Variants in EPN1 observed in about 807,000 individuals in gnomAD.
The protein encoded by EPN1 is epsin-1.
A neutral mutation model predicts 56.9 loss-of-function variants in EPN1; 25 were observed. The ratio of observed to expected loss-of-function variants is 0.44; its 90% CI spans 0.32 to 0.61. The LOEUF (loss-of-function observed/expected upper bound fraction) is 0.61. Ranked by LOEUF, EPN1 falls within the 20% of genes least tolerant of loss-of-function variation. EPN1 has a pLI of 0.05. For synonymous variants in EPN1, 411 were observed against 361.8 expected (o/e 1.14, Z -1.54); for missense variants, 785 against 823.7 (o/e 0.95, Z 0.58).
chr19:55,694,767 C>A lies in EPN1; in HGVS notation c.1306C>A (p.Pro436Thr), dbSNP rs756571162. Residue 436 changes from proline (P) to threonine (T), a missense_variant, in exon 10 of 11, where the codon CCT (proline) becomes ACT (threonine). Pro to Thr is a conservative substitution (Grantham distance 38). This residue lies in a region of EPN1 where 650 missense variants were observed against 605.0 expected (regional missense o/e 1.07). Coordinates refer to ENST00000270460, the MANE Select transcript of EPN1 (RefSeq NM_001130072.2). The surrounding 1 kb of genome is among the most constrained non-coding windows in gnomAD (Gnocchi z 4.2). ...GGCAGGAGAGGTGCCGGCCCGAAGC[C>A]CTGGGGCGTTTGACATGAGTGGGGT... ...LLAGEVPARS[P>T]GAFDMSGVRG... 19 of 1,602,904 alleles carry A rather than the reference C, an allele frequency of 1.2e-5. No homozygotes were observed. The highest frequency in any genetic ancestry group is 1.6e-5 in the Non-Finnish European group (19 of 1,173,328).
intron 2 of EPN1, among the ~76,000 whole-genome samples, chr19:55,680,078 G>A (rs928471234): frequency 2.6e-5 from 4 of 152,190 alleles, no homozygotes; most frequent in African/African-American, 4.8e-5. Context: ...GAGTCTGCTG[G>A]GGAGCATGTG....
At position 55,695,387 on chromosome 19, in the gene EPN1, G is replaced by A. The variant is rs1196154272; in HGVS notation, c.*31G>A. On this transcript the variant is annotated 3_prime_UTR_variant, in exon 11 of 11. Transcript: ENST00000270460. The surrounding 1 kb of genome is among the most constrained non-coding windows in gnomAD (Gnocchi z 4.4). ...GGCGGAAGGGGGCCTGGCTCCATCC[G>A]GCTGCCCCATTCCGGCTCCCTGGGA... 7.2e-6 allele frequency: 9 copies of A among 1,250,126 alleles called. No individual in the cohort carries two copies. In the African/African-American group the frequency reaches 7.4e-5, roughly 10 times the overall value. The allele number at this position is 1,250,126 out of a possible 1,614,324, so 77.4% of individuals were successfully genotyped here. A position where few individuals can be genotyped will look rare whatever the true frequency, so the allele number is the denominator to read the frequency against.
At position 55,691,946 on chromosome 19, in the gene EPN1, G is replaced by A. The variant is rs767673424; in HGVS notation, c.955G>A (p.Asp319Asn). ...TCCAGCCCCCACGCCGGCCTCTGGG[G>A]ACCCCTGGAGGCCTGCTGCCCCTGC... ...GGPAPTPASG[D>N]PWRPAAPAGP... The change falls in exon 7 of 11, where the codon GAC becomes AAC. Residue 319 changes from aspartate (D) to asparagine (N), a missense_variant. Coordinates refer to ENST00000270460, the MANE Select transcript of EPN1 (RefSeq NM_001130072.2). The surrounding 1 kb of genome is among the most constrained non-coding windows in gnomAD (Gnocchi z 5.6). The A allele has an allele frequency of 4.0e-5, 62 of 1,535,582 alleles. No homozygotes were observed. Among genetic ancestry groups the A allele is most frequent in the Non-Finnish European group, 5.2e-5 (59 of 1,144,926 alleles).
intron 2 of EPN1, 24 bp downstream of exon 2, chr19:55,678,879 G>C (rs377378244): frequency 6.4e-7 from 1 of 1,554,102 alleles, no homozygotes; most frequent in Non-Finnish European, 8.8e-7. Context: ...TCTCCTCCCC[G>C]GGCAGGTGCA....
At chr19:55,693,216 C>T (rs1986695544) in intron 9 of EPN1, 179 bp downstream of exon 9, 1 of 542,994 alleles carries the variant, frequency 1.8e-6, no homozygotes, top group Non-Finnish European at 3.2e-6. Flanking sequence ...AAGTGTGCAT[C>T]TTTATTTTAG....
chr19:55,692,262 T>G (rs1986607414), intron 7 of EPN1, among the ~76,000 whole-genome samples: 2 of 144,984 alleles, frequency 1.4e-5, no homozygotes, highest in Non-Finnish European at 3.0e-5. Context: ...ACATGGGGGG[T>G]GTGCTGTGGG....
rs533430376 is a variant in EPN1, at chr19:55,689,476, C to T, written c.678+105C>T. 3.2e-5 allele frequency: 27 copies of T among 843,448 alleles called. No individual in the cohort carries two copies. The South Asian group carries it at 3.8e-4, about 12-fold the overall frequency. The allele number at this position is 843,448 out of a possible 1,614,324, so 52.2% of individuals were successfully genotyped here. On this transcript the variant is annotated intron_variant, in intron 5 of 10. Transcript: ENST00000270460. The surrounding 1 kb of genome is among the most constrained non-coding windows in gnomAD (Gnocchi z 5.7). ...CCACCATCCTGCTGGGCCCGAAGCC[C>T]ACAGGCTCACGCGTGTTGAAACCTC...
chr19:55,680,042 C>T (rs1008186055), intron 2 of EPN1, among the ~76,000 whole-genome samples: 5 of 152,074 alleles, frequency 3.3e-5, no homozygotes, highest in Non-Finnish European at 7.4e-5. Flanking sequence ...GGCCTGTGGG[C>T]AGGGCTGGCA....
chr19:55,704,504 C>T lies in EPN1; in HGVS notation c.*9148C>T, dbSNP rs945118617. 2 of 152,250 alleles carry T rather than the reference C, an allele frequency of 1.3e-5. No individual in the cohort carries two copies. Among genetic ancestry groups the T allele is most frequent in the Admixed American group, 6.5e-5 (1 of 15,286 alleles). 9.4% of individuals were successfully genotyped at this position (152,250 alleles called of 1,614,324 possible). ...CCAAGGAGAGAGGCCTTGGCGGAAG[C>T]CAACCCTGCAGCACCTTCATCTTGA... On this transcript the variant is annotated 3_prime_UTR_variant, in exon 11 of 11. Transcript: ENST00000270460.
rs144290370 is a variant in EPN1 at position 55,692,811 on chromosome 19, G to C, written c.1177+15G>C. 6.6e-5 allele frequency: 105 copies of C among 1,590,678 alleles called. No homozygotes were observed. Among genetic ancestry groups the C allele is most frequent in the Non-Finnish European group, 8.2e-5 (95 of 1,164,776 alleles). On this transcript the variant is annotated intron_variant, in intron 8 of 10. Coordinates refer to ENST00000270460, the MANE Select transcript of EPN1 (RefSeq NM_001130072.2). ...TGGCACAACAGGTACTGGAATGGGGGTGGGAATGGAGCCCCGGGTGGGAGT... is the reference window on the plus strand; with the variant it reads ...TGGCACAACAGGTACTGGAATGGGGCTGGGAATGGAGCCCCGGGTGGGAGT...
intron 1 of EPN1, among the ~76,000 whole-genome samples, chr19:55,678,154 G>A (rs956971536): frequency 1.3e-5 from 2 of 152,042 alleles, no homozygotes; most frequent in African/African-American, 4.8e-5. Flanking sequence ...CAGGACGGAG[G>A]GCCTCCTGAT....
At chr19:55,685,728 TTC>T (rs1986126629) in intron 3 of EPN1, 83 bp downstream of exon 3, 2 of 1,501,826 alleles carry the variant, frequency 1.3e-6, no homozygotes, top group Admixed American at 2.0e-5. Flanking sequence ...GCCCACTGCT[TTC>T]TCTCCCAGCC....
intron 2 of EPN1, among the ~76,000 whole-genome samples, chr19:55,682,879 C>G (rs1025197181): frequency 3.9e-5 from 6 of 152,050 alleles, no homozygotes; most frequent in Non-Finnish European, 8.8e-5. Flanking sequence ...GCCTTAGCCT[C>G]CCGAGTAGCT....
In EPN1 at chr19:55,695,510, C is replaced by T. The variant is rs749086639; in HGVS notation, c.*154C>T. On this transcript the variant is annotated 3_prime_UTR_variant, in exon 11 of 11. Coordinates refer to ENST00000270460, the MANE Select transcript of EPN1 (RefSeq NM_001130072.2). This position sits in a 1 kb window ranked among gnomAD's most constrained non-coding sequence, Gnocchi z 4.4. Reference sequence around the variant, plus strand: ...CACACTACACCCTCTTCCTTTCCCACCCCACCTCCCCGGAGAGAAACTGGA... The same window carrying T: ...CACACTACACCCTCTTCCTTTCCCATCCCACCTCCCCGGAGAGAAACTGGA... The T allele has an allele frequency of 1.3e-4, 78 of 593,558 alleles. No homozygotes were observed. Among genetic ancestry groups the T allele is most frequent in the Non-Finnish European group, 2.1e-4 (71 of 334,834 alleles). 36.8% of individuals were successfully genotyped at this position (593,558 alleles called of 1,614,324 possible). A position where few individuals can be genotyped will look rare whatever the true frequency, so the allele number is the denominator to read the frequency against.
intron 3 of EPN1, among the ~76,000 whole-genome samples, chr19:55,687,218 C>T (rs763435608): frequency 3.3e-5 from 5 of 152,194 alleles, no homozygotes; most frequent in Non-Finnish European, 7.3e-5. Context: ...TAGACCTTCT[C>T]AGGCCAGCTG....
At chr19:55,680,255 A>AT (rs1985721447) in intron 2 of EPN1, among the ~76,000 whole-genome samples, 1 of 152,170 alleles carries the variant, frequency 6.6e-6, no homozygotes, top group Non-Finnish European at 1.5e-5. Flanking sequence ...CACATATTTC[A>AT]TAACTGTCAT....
At chr19:55,677,513 C>T in intron 1 of EPN1, 1 of 1,259,218 alleles carries the variant, frequency 7.9e-7, no homozygotes. Context: ...CCTGCCATTC[C>T]TGGTGTGTGA....
At chr19:55,684,579 C>G (rs990344257) in intron 2 of EPN1, among the ~76,000 whole-genome samples, 3 of 152,190 alleles carry the variant, frequency 2.0e-5, no homozygotes, top group Non-Finnish European at 2.9e-5. Context: ...TCCTTTTGCT[C>G]CTGGTGGTGT....
chr19:55,689,153 CCTCTGCGTGTCACT>C lies in EPN1; in HGVS notation c.604-137_604-124del. 2 of 1,165,818 alleles carry C rather than the reference CCTCTGCGTGTCACT, an allele frequency of 1.7e-6. No individual in the cohort carries two copies. The highest frequency in any genetic ancestry group is 2.4e-6 in the Non-Finnish European group (2 of 832,698). The allele number at this position is 1,165,818 out of a possible 1,614,324, so 72.2% of individuals were successfully genotyped here. A position where few individuals can be genotyped will look rare whatever the true frequency, so the allele number is the denominator to read the frequency against. On this transcript the variant is annotated intron_variant, in intron 4 of 10. Transcript: ENST00000270460. This position sits in a 1 kb window ranked among gnomAD's most constrained non-coding sequence, Gnocchi z 5.7. ...CCTGCCTCATCCTCACCCCGCCGTCCCTCTGCGTGTCACTCTCTGCCTGTCCCTCACTGGTTCAG... is the reference window on the plus strand; with the variant it reads ...CCTGCCTCATCCTCACCCCGCCGTCCCTCTGCCTGTCCCTCACTGGTTCAG...
Sources: gnomAD v4.1 joint callset for allele counts (sites outside exome capture counted in the v4.1 genomes callset) on GRCh38, gnomAD v4.1.1 for gene constraint, gnomAD v4.1.1 regional missense constraint, Gnocchi (gnomAD v3.1) non-coding constraint, MANE v1.5 for transcripts, NCBI Gene and HGNC (gene_info 2026-07-23, HGNC 2026-07-21) for gene names.